The following POLR1E variants were observed in gnomAD, a reference collection of about 807,000 sequenced individuals.
POLR1E encodes DNA-directed RNA polymerase I subunit RPA49.
A neutral mutation model predicts 50.9 loss-of-function variants in POLR1E; 37 were observed. The ratio of observed to expected loss-of-function variants is 0.73; its 90% CI spans 0.56 to 0.96. POLR1E has a LOEUF of 0.96. Ranked by LOEUF, POLR1E falls within the 40% of genes least tolerant of loss-of-function variation. The pLI is 0.00. For synonymous variants in POLR1E, 166 were observed against 191.6 expected (o/e 0.87, Z 1.10); for missense variants, 426 against 518.1 (o/e 0.82, Z 1.73).
At chr9:37,494,026 G>T (rs1428692927) in intron 6 of POLR1E, among the ~76,000 whole-genome samples, 4 of 152,210 alleles carry the variant, frequency 2.6e-5, no homozygotes, top group Admixed American at 1.3e-4. Flanking sequence ...TTGCAGGGAA[G>T]CTTTGGTCAA....
chr9:37,490,697 C>T (rs1820668490), intron 4 of POLR1E: 1 of 691,306 alleles, frequency 1.4e-6, no homozygotes, highest in Non-Finnish European at 2.7e-6. Context: ...GCATGCTAAA[C>T]TGTAGACGCT....
chr9:37,500,721 T>G, intron 9 of POLR1E, 119 bp from the exon 10 acceptor site: 1 of 709,698 alleles, frequency 1.4e-6, no homozygotes, highest in South Asian at 1.8e-5. Flanking sequence ...CCTGCTTCTC[T>G]TACCACCTGG....
rs760081313 is a variant in POLR1E at position 37,500,633 on chromosome 9, C to T, written c.887-207C>T. Among the ~76,000 whole-genome samples, 9 of 152,198 alleles carry T rather than the reference C, an allele frequency of 5.9e-5. No individual in the cohort carries two copies. In the Middle Eastern group the frequency reaches 9.5e-3, roughly 161 times the overall value. ...TGTCATTGCCCCATCACCAGCATCT[C>T]TCGTGCAGGGCAAACTGCAGGCTGC... On this transcript the variant is annotated intron_variant, in intron 9 of 11. Coordinates refer to ENST00000377798, the MANE Select transcript of POLR1E (RefSeq NM_022490.4).
chr9:37,494,763 T>G (rs1470677950), intron 6 of POLR1E, among the ~76,000 whole-genome samples: 1 of 152,220 alleles, frequency 6.6e-6, no homozygotes, highest in African/African-American at 2.4e-5. Context: ...GTGGGGCAGT[T>G]ACAGTGTTAT....
Position 37,501,821 on chromosome 9 carries a change from G to T in POLR1E, c.1077G>T (p.Arg359Ser). The change falls in exon 11 of 12, where the codon AGG (arginine) becomes AGT (serine). Residue 359 changes from arginine to serine, a missense_variant. Coordinates refer to ENST00000377798, the MANE Select transcript of POLR1E (RefSeq NM_022490.4). ...AAATTGACCTGACAGTGTTACAGAG[G>T]GACTTGAAGCTCAGTGAGAAAAGGT... is the stretch of plus-strand genomic sequence containing the variant. ...DFQIDLTVLQ[R>S]DLKLSEKRMM... 1 of 1,613,638 alleles carries T rather than the reference G, an allele frequency of 6.2e-7. No homozygotes were observed.
chr9:37,486,282 C>A, intron 1 of POLR1E, 159 bp downstream of exon 1: 1 of 1,270,470 alleles, frequency 7.9e-7, no homozygotes, highest in Non-Finnish European at 1.1e-6. Context: ...CTCCCCTGTC[C>A]GTCTTTCTGT....
intron 1 of POLR1E, chr9:37,486,442 T>C (rs776406717): frequency 2.6e-6 from 4 of 1,547,470 alleles, no homozygotes; most frequent in Non-Finnish European, 3.5e-6. Flanking sequence ...ACTTTAGGTA[T>C]GTACCAGGCC....
At position 37,498,001 on chromosome 9, in the gene POLR1E, C is replaced by T. The variant is rs146328128; in HGVS notation, c.753-90C>T. 7.8e-4 allele frequency: 1,133 copies of T among 1,444,744 alleles called. 12 individuals carry two copies. In the African/African-American group the frequency reaches 0.014, roughly 18 times the overall value. The allele number at this position is 1,444,744 out of a possible 1,614,324, so 89.5% of individuals were successfully genotyped here. ...CTGTTGAGTGCGTCGGGGTGAGAGG[C>T]GCCTGCTGTTCTCGTTGTAAGAGGG... is the stretch of plus-strand genomic sequence containing the variant. On this transcript the variant is annotated intron_variant, in intron 8 of 11. Transcript: ENST00000377798.
chr9:37,488,001 C>T (rs958111462), intron 3 of POLR1E, 62 bp downstream of exon 3: 9 of 1,518,542 alleles, frequency 5.9e-6, no homozygotes, highest in African/African-American at 1.4e-5. Context: ...GCAGCACTGG[C>T]ACTGCTGTTT....
At chr9:37,498,316 A>G (rs1820821341) in intron 9 of POLR1E, 92 bp downstream of exon 9, 2 of 1,357,552 alleles carry the variant, frequency 1.5e-6, no homozygotes, top group Middle Eastern at 2.3e-4. Flanking sequence ...AAGAAAATGG[A>G]TATGTCTGTC....
chr9:37,501,015 A>G, intron 10 of POLR1E, 94 bp downstream of exon 10: 1 of 1,231,302 alleles, frequency 8.1e-7, no homozygotes, highest in Non-Finnish European at 1.2e-6. Context: ...TTCCATGTCC[A>G]CGGAGATGCA....
chr9:37,489,162 C>T (rs1267839890), intron 3 of POLR1E, among the ~76,000 whole-genome samples, 153 bp from the exon 4 acceptor site: 3 of 151,074 alleles, frequency 2.0e-5, no homozygotes, highest in Non-Finnish European at 4.4e-5. Flanking sequence ...TGCTTGAACC[C>T]GGGAGGTGGA....
chr9:37,500,659 A>G (rs1406946579), intron 9 of POLR1E, among the ~76,000 whole-genome samples, 181 bp from the exon 10 acceptor site: 1 of 152,200 alleles, frequency 6.6e-6, no homozygotes, highest in East Asian at 1.9e-4. Flanking sequence ...TGCAGGCTGC[A>G]GCACACCAAG....
chr9:37,502,924 A>T, intron 11 of POLR1E, 119 bp from the exon 12 acceptor site: 5 of 1,133,576 alleles, frequency 4.4e-6, no homozygotes, highest in Non-Finnish European at 6.1e-6. Flanking sequence ...GCCTGCTGGC[A>T]ACCTTTGGGA....
chr9:37,499,938 C>T (rs77217647), intron 9 of POLR1E, among the ~76,000 whole-genome samples: 12,364 of 151,348 alleles, frequency 0.082, 673 homozygotes, highest in East Asian at 0.15. Context: ...GCAACCTCCA[C>T]CTACTGGGTT....
chr9:37,486,612 C>G, intron 1 of POLR1E, 91 bp from the exon 2 acceptor site: 5 of 1,614,018 alleles, frequency 3.1e-6, no homozygotes, highest in Non-Finnish European at 4.2e-6. Context: ...TCTGACACTC[C>G]CTCCCAGTGA....
In POLR1E at chr9:37,503,377, A is replaced by G; in HGVS notation, c.*175A>G. On this transcript the variant is annotated 3_prime_UTR_variant, in exon 12 of 12. Transcript: ENST00000377798. ...AAGATCATTGAGCTCAGGAGTTTGA[A>G]ACCAGTCTGGACAACATAGGGAGAC... 2 of 728,410 alleles carry G rather than the reference A, an allele frequency of 2.7e-6. No homozygotes were observed. The highest frequency in any genetic ancestry group is 4.2e-6 in the Non-Finnish European group (2 of 481,904). The allele number at this position is 728,410 out of a possible 1,614,324, so 45.1% of individuals were successfully genotyped here.
At chr9:37,494,627 C>T (rs894024695) in intron 6 of POLR1E, among the ~76,000 whole-genome samples, 26 of 151,908 alleles carry the variant, frequency 1.7e-4, no homozygotes, top group Admixed American at 6.5e-4. Context: ...TTTGGAGAGA[C>T]AGGGTCTTGC....
Position 37,500,819 on chromosome 9 carries a change from A to G in POLR1E, c.887-21A>G, listed in dbSNP as rs377442275. ...CTGAGGGTTTTGAGAGAAAATGATC[A>G]AACTCAACTTTGTGTTGTAGGTGCT... On this transcript the variant is annotated intron_variant, in intron 9 of 11. Transcript: ENST00000377798. 11 of 1,593,106 alleles carry G rather than the reference A, an allele frequency of 6.9e-6. No individual in the cohort carries two copies. The African/African-American group carries it at 8.1e-5, about 12-fold the overall frequency.
Sources: gnomAD v4.1 joint callset for allele counts (sites outside exome capture counted in the v4.1 genomes callset) on GRCh38, gnomAD v4.1.1 for gene constraint, MANE v1.5 for transcripts, NCBI Gene and HGNC (gene_info 2026-07-23, HGNC 2026-07-21) for gene names.